PCDHGB5: variants seen among roughly 807,000 people sequenced by gnomAD.
PCDHGB5 encodes protocadherin gamma subfamily B, 5.
In PCDHGB5, 48 loss-of-function variants were observed where a neutral mutation model predicts 62.9. The observed-to-expected ratio is 0.76, with a 90% CI of 0.61 to 0.97. The LOEUF (loss-of-function observed/expected upper bound fraction) is 0.97. PCDHGB5 is among the 50% of genes least tolerant of loss of function. The pLI is 0.00. For synonymous variants in PCDHGB5, 474 were observed against 511.2 expected, an observed-to-expected ratio of 0.93 and a Z score of 0.98; for missense variants, 1,118 against 1,198.6, an observed-to-expected ratio of 0.93 and a Z score of 0.99.
chr5:141,489,546 C>T lies in PCDHGB5; in HGVS notation c.2398-5261C>T, dbSNP rs1404605129. ...GCCTATGTGGAGCCAGCACCAGCTGCCTGCTGCCAGTGCAGGTGGTGACTG... is the reference window on the plus strand; with the variant it reads ...GCCTATGTGGAGCCAGCACCAGCTGTCTGCTGCCAGTGCAGGTGGTGACTG... On this transcript the variant is annotated intron_variant, in intron 1 of 3. Coordinates refer to ENST00000617380, the MANE Select transcript of PCDHGB5 (RefSeq NM_018925.3). The surrounding 1 kb of genome is among the most constrained non-coding windows in gnomAD (Gnocchi z 4.5). 2 of 1,614,076 alleles carry T rather than the reference C, an allele frequency of 1.2e-6. No homozygotes were observed. The highest frequency in any genetic ancestry group is 2.2e-5 in the East Asian group (1 of 44,868).
chr5:141,509,785 C>T (rs1445220885), intron 3 of PCDHGB5, among the ~76,000 whole-genome samples: 1 of 152,166 alleles, frequency 6.6e-6, no homozygotes, highest in African/African-American at 2.4e-5. Context: ...CCGAGATCAT[C>T]ATCTCCTCAG....
At chr5:141,442,974 A>C (rs1444888648) in intron 1 of PCDHGB5, among the ~76,000 whole-genome samples, 1 of 152,176 alleles carries the variant, frequency 6.6e-6, no homozygotes, top group Non-Finnish European at 1.5e-5. Flanking sequence ...CTGGCTGATA[A>C]AGTTAGCCTA....
rs1485715812 is a variant in PCDHGB5, at chr5:141,485,804, G to T, written c.2398-9003G>T. The T allele has an allele frequency of 6.2e-7, 1 of 1,614,218 alleles. No individual in the cohort carries two copies. The highest frequency in any genetic ancestry group is 1.7e-5 in the Admixed American group (1 of 60,026). ...AGAGAAGCAATCGGACTACCGCCTG[G>T]TGCTGACTGCTGTCGATGGAGGGAA... On this transcript the variant is annotated intron_variant, in intron 1 of 3. Coordinates refer to ENST00000617380, the MANE Select transcript of PCDHGB5 (RefSeq NM_018925.3). This position sits in a 1 kb window ranked among gnomAD's most constrained non-coding sequence, Gnocchi z 5.7.
intron 1 of PCDHGB5, among the ~76,000 whole-genome samples, chr5:141,462,868 T>C (rs1232965498): frequency 6.6e-6 from 1 of 152,228 alleles, no homozygotes; most frequent in East Asian, 1.9e-4. Context: ...TTTGTCTTTC[T>C]TTAAGAACTA....
rs35821115 is a variant in PCDHGB5, at chr5:141,460,961, ATGTG to A, written c.2398-33826_2398-33823del. 3.6e-3 allele frequency among the ~76,000 whole-genome samples: 519 copies of A among 144,600 alleles called. 3 individuals carry two copies. The highest frequency in any genetic ancestry group is 4.3e-3 in the African/African-American group (168 of 38,712). The allele number at this position is 144,600 out of a possible 152,430, so 94.9% of individuals were successfully genotyped here. A position where few individuals can be genotyped will look rare whatever the true frequency, so the allele number is the denominator to read the frequency against. ...ATATATATGTATTATGTATATATAT[ATGTG>A]TGTGTGTGTGTGTGTGTGTATATAT... On this transcript the variant is annotated intron_variant, in intron 1 of 3. Transcript: ENST00000617380.
intron 1 of PCDHGB5, among the ~76,000 whole-genome samples, chr5:141,460,252 A>T (rs1342135416): frequency 6.6e-6 from 1 of 151,974 alleles, no homozygotes; most frequent in African/African-American, 2.4e-5. Flanking sequence ...AATTTTGATA[A>T]AGCCCAATTT....
At position 141,398,948 on chromosome 5, in the gene PCDHGB5, A is replaced by T. The variant is rs775133149; in HGVS notation, c.821A>T (p.Asn274Ile). The T allele has an allele frequency of 2.5e-6, 4 of 1,613,958 alleles. No homozygotes were observed. The South Asian group carries it at 3.3e-5, about 13-fold the overall frequency. Residue 274 changes from asparagine to isoleucine, a missense_variant, in exon 1 of 4, where the codon AAC becomes ATC. Transcript: ENST00000617380. The stretch of plus-strand genomic sequence containing the variant: ...GCCACTGACCAAGACGAGGGCATCA[A>T]CTCAGAAATTACTTATTCCTTCTAC... ...VSATDQDEGI[N>I]SEITYSFYRT...
intron 1 of PCDHGB5, chr5:141,421,903 G>A (rs757656265): frequency 6.2e-6 from 10 of 1,613,704 alleles, no homozygotes; most frequent in African/African-American, 1.3e-5. Flanking sequence ...CCGAAAGGGC[G>A]CAGTTCCCAT....
At chr5:141,409,640 G>A (rs1045286800) in intron 1 of PCDHGB5, 2 of 1,613,780 alleles carry the variant, frequency 1.2e-6, no homozygotes, top group African/African-American at 1.3e-5. Context: ...CTCTGACCCG[G>A]ATTTGGGGCT....
chr5:141,421,149 C>T (rs1030911066), intron 1 of PCDHGB5: 1 of 1,086,106 alleles, frequency 9.2e-7, no homozygotes, highest in Non-Finnish European at 1.3e-6. Context: ...ATGTAGTCGG[C>T]CTAGGACTTC....
intron 1 of PCDHGB5, chr5:141,433,240 C>A (rs533423214): frequency 1.3e-6 from 2 of 1,488,038 alleles, no homozygotes; most frequent in Non-Finnish European, 1.8e-6. Flanking sequence ...GTCTCCCAAG[C>A]TGGAATGCAG....
intron 1 of PCDHGB5, chr5:141,423,595 G>A: frequency 6.2e-7 from 1 of 1,613,216 alleles, no homozygotes; most frequent in Non-Finnish European, 8.5e-7. Flanking sequence ...TGAGAAAAGC[G>A]AGCCACTCTT....
chr5:141,478,857 C>A, intron 1 of PCDHGB5: 1 of 1,353,600 alleles, frequency 7.4e-7, no homozygotes, highest in Non-Finnish European at 9.8e-7. Context: ...AACACAAGAT[C>A]TCAGCGATCA....
chr5:141,414,421 A>AGGGAACAG (rs1486483287), intron 1 of PCDHGB5: 1 of 1,613,776 alleles, frequency 6.2e-7, no homozygotes, highest in Non-Finnish European at 8.5e-7. Context: ...AGCCCTTGAC[A>AGGGAACAG]GGGAACAGGT....
At chr5:141,449,000 T>G (rs1424736421) in intron 1 of PCDHGB5, among the ~76,000 whole-genome samples, 1 of 151,774 alleles carries the variant, frequency 6.6e-6, no homozygotes, top group African/African-American at 2.4e-5. Context: ...TAGAAAGCTG[T>G]TTTTTTTAAC....
chr5:141,418,391 T>G, intron 1 of PCDHGB5: 1 of 1,614,010 alleles, frequency 6.2e-7, no homozygotes, highest in Non-Finnish European at 8.5e-7. Context: ...TAACGAGTAT[T>G]TCTCATTGGT....
chr5:141,419,276 C>G (rs1361651445), intron 1 of PCDHGB5: 1 of 1,613,920 alleles, frequency 6.2e-7, no homozygotes, highest in African/African-American at 1.3e-5. Flanking sequence ...CTCCATAGCG[C>G]AAGTCAGTGC....
intron 3 of PCDHGB5, among the ~76,000 whole-genome samples, chr5:141,506,904 C>T (rs55892286): frequency 0.2 from 30,589 of 152,050 alleles, 3,131 homozygotes; most frequent in Middle Eastern, 0.24. Flanking sequence ...ACTGTCATCA[C>T]ACCTGGGCAC....
chr5:141,403,482 A>C (rs764737675), intron 1 of PCDHGB5: 2 of 1,613,892 alleles, frequency 1.2e-6, no homozygotes, highest in Non-Finnish European at 1.7e-6. Flanking sequence ...CCCAATCACC[A>C]CTTCTCCCTG....
Sources: allele counts gnomAD v4.1 joint callset (sites outside exome capture counted in the v4.1 genomes callset), GRCh38; gene constraint gnomAD v4.1.1; non-coding constraint Gnocchi (gnomAD v3.1); transcripts MANE v1.5; gene names NCBI Gene and HGNC (gene_info 2026-07-23, HGNC 2026-07-21).